FRMD3: variants seen among roughly 807,000 people sequenced by gnomAD.
FRMD3 encodes FERM domain-containing protein 3.
In FRMD3, 33 loss-of-function variants were observed where a neutral mutation model predicts 70.2. That is an observed-to-expected ratio of 0.47 (90% CI 0.36 to 0.63). FRMD3 has a LOEUF of 0.63. Among genes scored for constraint, FRMD3 ranks in the 20% least tolerant of loss-of-function variants. The pLI is 0.00. For missense variants in FRMD3, 632 were observed against 711.4 expected (o/e 0.89, Z 1.27); for synonymous variants, 279 against 255.9 (o/e 1.09, Z -0.86).
chr9:83,488,010 T>G (rs1828724897), intron 1 of FRMD3, among the ~76,000 whole-genome samples: 1 of 152,214 alleles, frequency 6.6e-6, no homozygotes. Context: ...TTACCAATTT[T>G]GGGTTACAGC....
At chr9:83,471,906 T>C (rs750099515) in intron 1 of FRMD3, among the ~76,000 whole-genome samples, 3 of 152,176 alleles carry the variant, frequency 2.0e-5, no homozygotes, top group Non-Finnish European at 2.9e-5. Context: ...TTCCTAACTA[T>C]GTAACTTTGG....
At chr9:83,368,372 C>T (rs1446952067) in intron 3 of FRMD3, among the ~76,000 whole-genome samples, 1 of 151,930 alleles carries the variant, frequency 6.6e-6, no homozygotes, top group East Asian at 1.9e-4. Flanking sequence ...CACTCTGTCA[C>T]CCAGGCTGGA....
chr9:83,313,674 G>C lies in FRMD3; in HGVS notation c.670C>G (p.Pro224Ala). 1 of 1,613,312 alleles carries C rather than the reference G, an allele frequency of 6.2e-7. No individual in the cohort carries two copies. The highest frequency in any genetic ancestry group is 8.5e-7 in the Non-Finnish European group (1 of 1,179,246). Residue 224 changes from proline (P) to alanine (A), a missense_variant, in exon 7 of 14, where the codon CCT (proline) becomes GCT (alanine). This residue lies in a region of FRMD3 where 418 missense variants were observed against 442.1 expected (regional missense o/e 0.95). Coordinates refer to ENST00000304195, the MANE Select transcript of FRMD3 (RefSeq NM_174938.6). ...GGGGCAGTTACCTTGCATGGGTGAG[G>C]ATCCACCCCGTAGGTTTCCAAAGTG... ...AHTLETYGVD[P>A]HPCKDSTGTT...
chr9:83,582,830 C>T, the FRMD3 span, among the ~76,000 whole-genome samples: 4 of 152,082 alleles, frequency 2.6e-5, no homozygotes, highest in Non-Finnish European at 4.4e-5. Flanking sequence ...CCATTTTTGG[C>T]CTAGATTTGA....
chr9:83,315,506 C>T (rs1489978271), intron 6 of FRMD3, among the ~76,000 whole-genome samples: 7 of 152,062 alleles, frequency 4.6e-5, no homozygotes, highest in Admixed American at 2.6e-4. Context: ...TTGCTGTTCT[C>T]GGGATAGTGA....
intron 6 of FRMD3, among the ~76,000 whole-genome samples, chr9:83,319,443 A>G (rs890453881): frequency 1.3e-5 from 2 of 152,096 alleles, no homozygotes; most frequent in East Asian, 1.9e-4. Context: ...ATTTATTTAA[A>G]TGGAGTCTTG....
intron 1 of FRMD3, among the ~76,000 whole-genome samples, chr9:83,532,977 C>T (rs1232554404): frequency 6.6e-6 from 1 of 152,202 alleles, no homozygotes; most frequent in African/African-American, 2.4e-5. Context: ...AGATGGGAAG[C>T]AGCAACTGAG....
intron 12 of FRMD3, among the ~76,000 whole-genome samples, chr9:83,294,954 T>C (rs757297930): frequency 4.5e-4 from 69 of 152,232 alleles, no homozygotes; most frequent in Admixed American, 7.8e-4. Context: ...ACTGTGTTTA[T>C]GCCTGAGGTC....
In FRMD3 at chr9:83,470,612, C is replaced by A. The variant is rs1052197425; in HGVS notation, c.147+67473G>T. ...CTTGTGATAGCTCTCCAATCCTCTG[C>A]ACACCAATGTGTGCCTAACCCTGAG... On this transcript the variant is annotated intron_variant, in intron 1 of 13. Coordinates refer to ENST00000304195, the MANE Select transcript of FRMD3 (RefSeq NM_174938.6). 8.5e-5 allele frequency among the ~76,000 whole-genome samples: 13 copies of A among 152,362 alleles called. No homozygotes were observed. In the East Asian group the frequency reaches 1.7e-3, roughly 20 times the overall value.
chr9:83,376,941 G>T (rs73648541), intron 2 of FRMD3, among the ~76,000 whole-genome samples: 3 of 130,468 alleles, frequency 2.3e-5, no homozygotes, highest in Non-Finnish European at 1.6e-5. Context: ...ACCGGCACCC[G>T]TTATTAAGAA....
intron 13 of FRMD3, among the ~76,000 whole-genome samples, chr9:83,290,387 T>C (rs1019564493): frequency 1.3e-5 from 2 of 152,228 alleles, no homozygotes; most frequent in Admixed American, 6.5e-5. Context: ...TTAGAAATAC[T>C]TTATACCAGT....
At chr9:83,281,792 C>G (rs771005934) in intron 13 of FRMD3, among the ~76,000 whole-genome samples, 3 of 152,174 alleles carry the variant, frequency 2.0e-5, no homozygotes, top group Admixed American at 2.0e-4. Context: ...GCAACACACT[C>G]GGTCCCCAGC....
chr9:83,580,529 C>T, the FRMD3 span, among the ~76,000 whole-genome samples: 1 of 152,040 alleles, frequency 6.6e-6, no homozygotes, highest in African/African-American at 2.4e-5. Flanking sequence ...ACACGTACCT[C>T]GTGATCTCAC....
chr9:83,552,387 T>G, the FRMD3 span, among the ~76,000 whole-genome samples: 1 of 152,236 alleles, frequency 6.6e-6, no homozygotes, highest in African/African-American at 2.4e-5. Context: ...TTGTTTTATG[T>G]CCAATTATGT....
In FRMD3 at chr9:83,486,059, A is replaced by G. The variant is rs529029098; in HGVS notation, c.147+52026T>C. Among the ~76,000 whole-genome samples the G allele has an allele frequency of 1.5e-3, 224 of 152,176 alleles. 2 individuals carry two copies. The highest frequency in any genetic ancestry group is 5.2e-3 in the African/African-American group (217 of 41,504). ...CTATGATGTATCATTAATATGTAAT[A>G]TAATATATTAATGAACAATCCTGCA... On this transcript the variant is annotated intron_variant, in intron 1 of 13. Coordinates refer to ENST00000304195, the MANE Select transcript of FRMD3 (RefSeq NM_174938.6).
At chr9:83,545,838 T>C in the FRMD3 span, among the ~76,000 whole-genome samples, 1 of 152,154 alleles carries the variant, frequency 6.6e-6, no homozygotes, top group Non-Finnish European at 1.5e-5. Context: ...CACATCCAGA[T>C]ACAAGAAGCT....
At position 83,528,034 on chromosome 9, in the gene FRMD3, C is replaced by A. The variant is rs771106573; in HGVS notation, c.147+10051G>T. On this transcript the variant is annotated intron_variant, in intron 1 of 13. Transcript: ENST00000304195. The stretch of plus-strand genomic sequence containing the variant: ...AACATTTTTCTGTTTTCCCAAAATG[C>A]CTACTCAGAAAAAGAAGTAACAACT... 7.9e-5 allele frequency among the ~76,000 whole-genome samples: 12 copies of A among 152,276 alleles called. No individual in the cohort carries two copies. The South Asian group carries it at 1.5e-3, about 18-fold the overall frequency.
At chr9:83,311,226 G>A (rs937557761) in intron 8 of FRMD3, among the ~76,000 whole-genome samples, 2 of 150,230 alleles carry the variant, frequency 1.3e-5, no homozygotes, top group Non-Finnish European at 2.9e-5. Flanking sequence ...GGCCAGTCCC[G>A]CACATGCCCA....
At chr9:83,449,618 C>A (rs1827582474) in intron 1 of FRMD3, among the ~76,000 whole-genome samples, 1 of 152,200 alleles carries the variant, frequency 6.6e-6, no homozygotes, top group Non-Finnish European at 1.5e-5. Flanking sequence ...ACAGATGCAC[C>A]CCTGCTCAGG....
Sources: gnomAD v4.1 joint callset for allele counts (sites outside exome capture counted in the v4.1 genomes callset) on GRCh38, gnomAD v4.1.1 for gene constraint, gnomAD v4.1.1 regional missense constraint, MANE v1.5 for transcripts, NCBI Gene and HGNC (gene_info 2026-07-23, HGNC 2026-07-21) for gene names.